TBC1D5: variants seen among roughly 807,000 people sequenced by gnomAD.
The protein encoded by TBC1D5 is TBC1 domain family member 5.
TBC1D5 carries 75 observed loss-of-function variants against 100.3 expected under a neutral mutation model. The ratio of observed to expected loss-of-function variants is 0.75; its 90% CI spans 0.62 to 0.91. The LOEUF (loss-of-function observed/expected upper bound fraction) is 0.91. Ranked by LOEUF, TBC1D5 falls within the 40% of genes least tolerant of loss-of-function variation. TBC1D5 has a pLI of 0.00. For missense variants in TBC1D5, 910 were observed against 942.4 expected, an observed-to-expected ratio of 0.97 and a Z score of 0.45; for synonymous variants, 323 against 325.6, an observed-to-expected ratio of 0.99 and a Z score of 0.09.
intron 15 of TBC1D5, 119 bp from the exon 16 acceptor site, chr3:17,258,710 A>G (rs548949996): frequency 3.1e-6 from 2 of 647,930 alleles, no homozygotes; most frequent in South Asian, 6.5e-5. Flanking sequence ...TATAAAGTTT[A>G]ATAATTAGTG....
intron 4 of TBC1D5, 145 bp from the exon 5 acceptor site, chr3:17,406,671 G>A (rs1342704066): frequency 2.1e-5 from 13 of 618,748 alleles, no homozygotes; most frequent in Admixed American, 3.3e-5. Context: ...GTTTCTGAAC[G>A]CATGGCTGTC....
chr3:17,634,479 A>G (rs1210014985), intron 1 of TBC1D5, among the ~76,000 whole-genome samples: 1 of 152,196 alleles, frequency 6.6e-6, no homozygotes, highest in African/African-American at 2.4e-5. Flanking sequence ...GGGCAGAGAA[A>G]GACAAATATC....
chr3:17,366,639 T>C (rs1057108457), intron 13 of TBC1D5, among the ~76,000 whole-genome samples: 1 of 152,170 alleles, frequency 6.6e-6, no homozygotes, highest in Admixed American at 6.6e-5. Flanking sequence ...AATTGTTAAC[T>C]GTGTTTAGGA....
chr3:17,624,067 T>C (rs1244713918), intron 1 of TBC1D5, among the ~76,000 whole-genome samples, 154 bp from the exon 2 acceptor site: 3 of 152,212 alleles, frequency 2.0e-5, no homozygotes, highest in African/African-American at 7.2e-5. Flanking sequence ...ACGTATTTTG[T>C]GTAACAAAAT....
chr3:17,239,609 C>T (rs917445619), intron 16 of TBC1D5, among the ~76,000 whole-genome samples: 8 of 152,328 alleles, frequency 5.3e-5, no homozygotes, highest in African/African-American at 1.7e-4. Flanking sequence ...AATGACTTCA[C>T]ATTGCAGTTC....
chr3:17,386,285 A>G lies in TBC1D5; in HGVS notation c.510-2270T>C, dbSNP rs544332860. ...CATCTATTCTTTGGAAATTTTCTAC[A>G]CACATTGGCACAACCAAATTCTGTG... On this transcript the variant is annotated intron_variant, in intron 8 of 21. Transcript: ENST00000253692. 2.5e-4 allele frequency among the ~76,000 whole-genome samples: 38 copies of G among 152,238 alleles called. No individual in the cohort carries two copies. In the South Asian group the frequency reaches 7.5e-3, roughly 30 times the overall value.
intron 14 of TBC1D5, among the ~76,000 whole-genome samples, chr3:17,293,118 T>C (rs1173889949): frequency 6.6e-6 from 1 of 152,220 alleles, no homozygotes; most frequent in African/African-American, 2.4e-5. Flanking sequence ...ATTGCTGCTA[T>C]GACAGCTTGT....
rs181786316 is a variant in TBC1D5 at position 17,444,032 on chromosome 3, T to A, written c.98-15513A>T. Reference sequence around the variant, plus strand: ...TCTAATTATCTTCTCATGAGCTACATTGAAATACAGTTACAGCTTAAAGAA... The same window carrying A: ...TCTAATTATCTTCTCATGAGCTACAATGAAATACAGTTACAGCTTAAAGAA... On this transcript the variant is annotated intron_variant, in intron 3 of 21. Transcript: ENST00000253692. 1.2e-3 allele frequency among the ~76,000 whole-genome samples: 176 copies of A among 152,248 alleles called. 5 individuals carry two copies. The South Asian group carries it at 0.034, about 30-fold the overall frequency.
intron 13 of TBC1D5, among the ~76,000 whole-genome samples, chr3:17,344,735 C>T (rs1335405600): frequency 6.6e-6 from 1 of 152,100 alleles, no homozygotes; most frequent in Non-Finnish European, 1.5e-5. Flanking sequence ...ATCAATGGAA[C>T]AGAACAGAGC....
At chr3:17,191,449 A>G (rs1304775980) in intron 18 of TBC1D5, among the ~76,000 whole-genome samples, 1 of 152,214 alleles carries the variant, frequency 6.6e-6, no homozygotes, top group African/African-American at 2.4e-5. Flanking sequence ...GTTATTTCAA[A>G]GGATTATGAA....
At chr3:17,226,610 T>C (rs1314434911) in intron 17 of TBC1D5, among the ~76,000 whole-genome samples, 1 of 152,150 alleles carries the variant, frequency 6.6e-6, no homozygotes, top group Non-Finnish European at 1.5e-5. Context: ...AAGTAAAAGC[T>C]GGCCCCCTTG....
At chr3:17,640,888 A>G (rs2064434591) in intron 1 of TBC1D5, among the ~76,000 whole-genome samples, 1 of 152,102 alleles carries the variant, frequency 6.6e-6, no homozygotes, top group African/African-American at 2.4e-5. Context: ...AGAATCTATT[A>G]AAGAAATCAA....
intron 8 of TBC1D5, among the ~76,000 whole-genome samples, chr3:17,396,394 A>AC (rs2093505424): frequency 6.6e-6 from 1 of 152,026 alleles, no homozygotes; most frequent in Non-Finnish European, 1.5e-5. Context: ...TTCTGCTCTG[A>AC]AATTGCTTGT....
At chr3:17,408,367 G>A (rs539838461) in intron 4 of TBC1D5, among the ~76,000 whole-genome samples, 9 of 151,748 alleles carry the variant, frequency 5.9e-5, no homozygotes, top group African/African-American at 1.9e-4. Context: ...GGAGTACAGT[G>A]ATGCAACCAC....
intron 15 of TBC1D5, among the ~76,000 whole-genome samples, chr3:17,261,903 A>C (rs1399207911): frequency 3.3e-5 from 5 of 151,892 alleles, no homozygotes; most frequent in African/African-American, 1.2e-4. Context: ...TAACCTTTAA[A>C]GTTCTGGAAT....
intron 1 of TBC1D5, among the ~76,000 whole-genome samples, chr3:17,711,511 T>C (rs1488156727): frequency 6.6e-6 from 1 of 152,188 alleles, no homozygotes. Flanking sequence ...ATCTTAATCA[T>C]ACCCTTTTCC....
chr3:17,198,425 T>C (rs1278451412), intron 18 of TBC1D5, among the ~76,000 whole-genome samples: 2 of 152,176 alleles, frequency 1.3e-5, no homozygotes, highest in African/African-American at 4.8e-5. Flanking sequence ...AATAAAAACA[T>C]AGAACATAGG....
At chr3:17,556,505 C>T (rs2096522400) in intron 2 of TBC1D5, among the ~76,000 whole-genome samples, 1 of 152,120 alleles carries the variant, frequency 6.6e-6, no homozygotes, top group Non-Finnish European at 1.5e-5. Context: ...TTGGTTTCTC[C>T]TCTCGATGCC....
intron 13 of TBC1D5, among the ~76,000 whole-genome samples, chr3:17,339,337 C>A (rs2088476980): frequency 6.6e-6 from 1 of 152,188 alleles, no homozygotes; most frequent in Admixed American, 6.5e-5. Flanking sequence ...AGTTGAAGTT[C>A]CGCTCACCTT....
Sources: allele counts gnomAD v4.1 joint callset (sites outside exome capture counted in the v4.1 genomes callset), GRCh38; gene constraint gnomAD v4.1.1; transcripts MANE v1.5; gene names NCBI Gene and HGNC (gene_info 2026-07-23, HGNC 2026-07-21).